Variants in NDFIP2 observed in about 807,000 individuals in gnomAD.
NDFIP2 encodes the protein NEDD4 family-interacting protein 2.
NDFIP2 carries 19 observed loss-of-function variants against 36.0 expected under a neutral mutation model. That is an observed-to-expected ratio of 0.53 (90% CI 0.37 to 0.77). The LOEUF (loss-of-function observed/expected upper bound fraction) is 0.77, where lower values mean the gene tolerates loss of function less well. Among genes scored for constraint, NDFIP2 ranks in the 30% least tolerant of loss-of-function variants. The probability of loss-of-function intolerance (pLI) is 0.00; values close to 1 mark genes in which losing one functional copy is unlikely to be tolerated. For missense variants in NDFIP2, 446 were observed against 435.8 expected, an observed-to-expected ratio of 1.02 and a Z score of -0.21; for synonymous variants, 181 against 167.7, an observed-to-expected ratio of 1.08 and a Z score of -0.61.
chr13:79,505,148 A>G (rs186895681), intron 1 of NDFIP2, among the ~76,000 whole-genome samples: 1 of 152,214 alleles, frequency 6.6e-6, no homozygotes, highest in African/African-American at 2.4e-5. Flanking sequence ...AAACTGACCA[A>G]CACAACAGTT....
intron 3 of NDFIP2, among the ~76,000 whole-genome samples, chr13:79,533,804 A>G (rs917376561): frequency 2.6e-5 from 4 of 152,156 alleles, no homozygotes; most frequent in Admixed American, 6.5e-5. Flanking sequence ...CTAGTTAACA[A>G]TAGGCTGTGA....
At chr13:79,521,823 CTTT>C (rs577691451) in intron 2 of NDFIP2, among the ~76,000 whole-genome samples, 3 of 130,492 alleles carry the variant, frequency 2.3e-5, no homozygotes, top group Non-Finnish European at 4.9e-5. Flanking sequence ...TTTCGTTTTG[CTTT>C]TTTTTTTTTT....
intron 1 of NDFIP2, among the ~76,000 whole-genome samples, chr13:79,498,178 C>G (rs1873522088): frequency 6.6e-6 from 1 of 151,836 alleles, no homozygotes; most frequent in Admixed American, 6.6e-5. Flanking sequence ...AATTTAGAGA[C>G]AGTAAAACCT....
intron 2 of NDFIP2, 137 bp downstream of exon 2, chr13:79,521,112 T>C: frequency 1.4e-6 from 1 of 698,918 alleles, no homozygotes; most frequent in Non-Finnish European, 2.3e-6. Flanking sequence ...ACATACTGTG[T>C]GCACATATAA....
rs112010017 is a variant in NDFIP2 at position 79,498,415 on chromosome 13, A to G, written c.321+16891A>G. Among the ~76,000 whole-genome samples, 9 of 152,104 alleles carry G rather than the reference A, an allele frequency of 5.9e-5. 2 individuals carry two copies. Among genetic ancestry groups the G allele is most frequent in the African/African-American group, 2.2e-4 (9 of 41,526 alleles). On this transcript the variant is annotated intron_variant, in intron 1 of 7. Coordinates refer to ENST00000218652, the MANE Select transcript of NDFIP2 (RefSeq NM_019080.3). The stretch of plus-strand genomic sequence containing the variant: ...AAAAATAAAGAAATATGAACTTTTC[A>G]AAACAGAAAGCACCAGTCCTGAATG...
chr13:79,523,391 T>G (rs1253522631), intron 2 of NDFIP2, among the ~76,000 whole-genome samples: 1 of 152,162 alleles, frequency 6.6e-6, no homozygotes, highest in African/African-American at 2.4e-5. Context: ...TGGCGAATTT[T>G]GTATTTTTAG....
At chr13:79,496,414 A>G (rs924714871) in intron 1 of NDFIP2, among the ~76,000 whole-genome samples, 6 of 151,876 alleles carry the variant, frequency 4.0e-5, no homozygotes, top group South Asian at 4.1e-4. Flanking sequence ...GAAAGCTGTA[A>G]TTATTTGCAT....
intron 1 of NDFIP2, among the ~76,000 whole-genome samples, chr13:79,496,152 G>T (rs9545127): frequency 0.098 from 14,870 of 151,828 alleles, 924 homozygotes; most frequent in Middle Eastern, 0.26. Context: ...CATTCTTGAA[G>T]ACACGTTTCC....
chr13:79,508,281 T>A (rs1382328010), intron 1 of NDFIP2, among the ~76,000 whole-genome samples: 1 of 152,216 alleles, frequency 6.6e-6, no homozygotes, highest in Non-Finnish European at 1.5e-5. Context: ...TGTTGGGTCC[T>A]GCACACTTTT....
At chr13:79,530,365 C>T (rs1874968163) in intron 2 of NDFIP2, among the ~76,000 whole-genome samples, 1 of 152,212 alleles carries the variant, frequency 6.6e-6, no homozygotes, top group African/African-American at 2.4e-5. Flanking sequence ...GATCCTTTAG[C>T]CTCAGCTTCC....
intron 1 of NDFIP2, among the ~76,000 whole-genome samples, chr13:79,516,812 C>T (rs1371653138): frequency 6.6e-6 from 1 of 152,146 alleles, no homozygotes; most frequent in Non-Finnish European, 1.5e-5. Flanking sequence ...AGCACATCTA[C>T]ACATTCTTAT....
chr13:79,483,178 A>G (rs2079825724), intron 1 of NDFIP2, among the ~76,000 whole-genome samples: 1 of 152,266 alleles, frequency 6.6e-6, no homozygotes, highest in East Asian at 1.9e-4. Context: ...AACAGAGGGC[A>G]AAAATCAGTT....
chr13:79,482,310 T>C (rs771955620), intron 1 of NDFIP2, among the ~76,000 whole-genome samples: 3 of 152,014 alleles, frequency 2.0e-5, no homozygotes, highest in Non-Finnish European at 2.9e-5. Flanking sequence ...TTGGTAACTA[T>C]GTTGAAAAAA....
chr13:79,549,119 A>G (rs1019882286), intron 6 of NDFIP2, among the ~76,000 whole-genome samples: 5 of 152,016 alleles, frequency 3.3e-5, no homozygotes, highest in Non-Finnish European at 7.4e-5. Flanking sequence ...GCATTTCAGT[A>G]GGTGGCAGTC....
intron 1 of NDFIP2, among the ~76,000 whole-genome samples, chr13:79,497,623 T>G (rs184209332): frequency 6.6e-6 from 1 of 151,722 alleles, no homozygotes; most frequent in East Asian, 1.9e-4. Context: ...AGGGGGTTAC[T>G]GCCATGCTGA....
chr13:79,506,448 G>A (rs1290868775), intron 1 of NDFIP2, among the ~76,000 whole-genome samples: 1 of 151,930 alleles, frequency 6.6e-6, no homozygotes, highest in Non-Finnish European at 1.5e-5. Context: ...CGGTGAGTTT[G>A]TTTAACTCTT....
At chr13:79,489,344 C>T (rs73551538) in intron 1 of NDFIP2, among the ~76,000 whole-genome samples, 10,201 of 152,228 alleles carry the variant, frequency 0.067, 723 homozygotes, top group African/African-American at 0.18. Flanking sequence ...GTGACCTTGG[C>T]TTCCCACAGC....
intron 1 of NDFIP2, among the ~76,000 whole-genome samples, chr13:79,504,312 A>G (rs913428255): frequency 2.6e-5 from 4 of 152,064 alleles, no homozygotes; most frequent in South Asian, 4.1e-4. Context: ...ATTTTATCAC[A>G]TTTGTTTTCT....
intron 1 of NDFIP2, among the ~76,000 whole-genome samples, chr13:79,499,681 A>C (rs760151553): frequency 6.6e-6 from 1 of 151,998 alleles, no homozygotes; most frequent in Non-Finnish European, 1.5e-5. Context: ...TGTGGACAAG[A>C]TCTATATGAG....
Sources: gnomAD v4.1 joint callset for allele counts (sites outside exome capture counted in the v4.1 genomes callset) on GRCh38, gnomAD v4.1.1 for gene constraint, MANE v1.5 for transcripts, NCBI Gene and HGNC (gene_info 2026-07-23, HGNC 2026-07-21) for gene names.